Variants in DNAJB6 observed in about 807,000 individuals in gnomAD.
DNAJB6 encodes DnaJ heat shock protein family (Hsp40) member B6, also known as dnaJ homolog subfamily B member 6.
DNAJB6 carries 16 observed loss-of-function variants against 42.7 expected under a neutral mutation model. The ratio of observed to expected loss-of-function variants is 0.37; its 90% CI spans 0.25 to 0.57. The LOEUF is 0.57. DNAJB6 is among the 20% of genes least tolerant of loss of function. The pLI, the probability that DNAJB6 is intolerant of heterozygous loss-of-function variation, is 0.74. For missense variants in DNAJB6, 347 were observed against 416.8 expected (o/e 0.83, Z 1.46); for synonymous variants, 170 against 163.5 (o/e 1.04, Z -0.30).
intron 1 of DNAJB6, among the ~76,000 whole-genome samples, chr7:157,351,740 G>C (rs188464059): frequency 3.3e-5 from 5 of 152,294 alleles, no homozygotes; most frequent in Admixed American, 6.5e-5. Flanking sequence ...AAGGTGGACA[G>C]ATCACCTGAG....
chr7:157,344,487 T>C (rs1458143683), intron 1 of DNAJB6, among the ~76,000 whole-genome samples: 1 of 151,536 alleles, frequency 6.6e-6, no homozygotes, highest in African/African-American at 2.4e-5. Context: ...CACTCCAGCC[T>C]GGGCAACAGA....
intron 1 of DNAJB6, among the ~76,000 whole-genome samples, chr7:157,357,878 C>T (rs1284603496): frequency 6.6e-6 from 1 of 152,132 alleles, no homozygotes; most frequent in African/African-American, 2.4e-5. Flanking sequence ...ACCTTCCATT[C>T]GGTAGTGATA....
intron 8 of DNAJB6, among the ~76,000 whole-genome samples, chr7:157,388,634 C>G (rs1458814698): frequency 1.4e-5 from 2 of 142,020 alleles, no homozygotes; most frequent in African/African-American, 5.2e-5. Context: ...ACTTCAATAG[C>G]TTTTGGGGGG....
At chr7:157,401,147 C>T (rs1801840872) in intron 8 of DNAJB6, among the ~76,000 whole-genome samples, 1 of 152,226 alleles carries the variant, frequency 6.6e-6, no homozygotes, top group African/African-American at 2.4e-5. Context: ...ACCTGGGCTC[C>T]TCCTCCTGTA....
rs1228242885 is a variant in DNAJB6 at position 157,404,555 on chromosome 7, G to A, written c.692-5240G>A. On this transcript the variant is annotated intron_variant, in intron 8 of 9. Coordinates refer to ENST00000262177, the MANE Select transcript of DNAJB6 (RefSeq NM_058246.4). ...GTAAGGAGTCTCGCTCTGTTGCCCA[G>A]CCTGGAGTGCAGTGGTGCAATCTTG... 2.9e-5 allele frequency among the ~76,000 whole-genome samples: 4 copies of A among 138,516 alleles called. No individual in the cohort carries two copies. The East Asian group carries it at 8.5e-4, about 29-fold the overall frequency. 90.9% of individuals were successfully genotyped at this position (138,516 alleles called of 152,430 possible). A position where few individuals can be genotyped will look rare whatever the true frequency, so the allele number is the denominator to read the frequency against.
intron 3 of DNAJB6, among the ~76,000 whole-genome samples, chr7:157,363,548 G>T (rs6970306): frequency 3.3e-5 from 5 of 152,096 alleles, no homozygotes; most frequent in African/African-American, 1.2e-4. Flanking sequence ...GAGGAACCTG[G>T]GAGAGAGGAG....
Position 157,416,120 on chromosome 7 carries a change from G to A in DNAJB6, c.*22G>A, listed in dbSNP as rs372172001. 6.2e-7 allele frequency: 1 copy of A among 1,609,348 alleles called. No individual in the cohort carries two copies. Among genetic ancestry groups the A allele is most frequent in the Non-Finnish European group, 8.5e-7 (1 of 1,177,342 alleles). On this transcript the variant is annotated 3_prime_UTR_variant, in exon 10 of 10. Coordinates refer to ENST00000262177, the MANE Select transcript of DNAJB6 (RefSeq NM_058246.4). The stretch of plus-strand genomic sequence containing the variant: ...CTAGACCGGACTTGAGGCACGCGGT[G>A]CACCCCCAGACGCTGGCGCTCCACC...
chr7:157,385,336 T>G (rs1800999181), intron 7 of DNAJB6, among the ~76,000 whole-genome samples: 1 of 152,214 alleles, frequency 6.6e-6, no homozygotes, highest in Admixed American at 6.5e-5. Context: ...TGTACGGTAT[T>G]TGAGACACAA....
chr7:157,359,883 C>CT (rs1799491615), intron 2 of DNAJB6, among the ~76,000 whole-genome samples: 1 of 152,310 alleles, frequency 6.6e-6, no homozygotes, highest in Admixed American at 6.5e-5. Flanking sequence ...GCCGAGGAAC[C>CT]TAGTAGAAGC....
At chr7:157,371,199 C>T (rs1800192680) in intron 5 of DNAJB6, among the ~76,000 whole-genome samples, 1 of 152,228 alleles carries the variant, frequency 6.6e-6, no homozygotes, top group Non-Finnish European at 1.5e-5. Context: ...AATTGTCTTC[C>T]ATGAAACCAG....
At chr7:157,402,157 C>T (rs1210547914) in intron 8 of DNAJB6, among the ~76,000 whole-genome samples, 1 of 152,200 alleles carries the variant, frequency 6.6e-6, no homozygotes, top group Non-Finnish European at 1.5e-5. Context: ...GATGGGGTCT[C>T]CCTATGTTGC....
chr7:157,339,491 G>A (rs998353771), intron 1 of DNAJB6, among the ~76,000 whole-genome samples: 1 of 151,214 alleles, frequency 6.6e-6, no homozygotes, highest in African/African-American at 2.4e-5. Context: ...TAGTAGAGAC[G>A]GGGTTTCACC....
At chr7:157,405,680 C>T (rs1482116746) in intron 8 of DNAJB6, among the ~76,000 whole-genome samples, 1 of 152,218 alleles carries the variant, frequency 6.6e-6, no homozygotes, top group Non-Finnish European at 1.5e-5. Flanking sequence ...CCGCACCAGG[C>T]CACATCCTGC....
intron 8 of DNAJB6, among the ~76,000 whole-genome samples, chr7:157,386,808 C>T (rs563965590): frequency 2.6e-5 from 4 of 151,286 alleles, no homozygotes; most frequent in South Asian, 2.1e-4. Context: ...TGCTTGAACC[C>T]GGGAGGTGGA....
chr7:157,352,370 C>T (rs1165181027), intron 1 of DNAJB6, among the ~76,000 whole-genome samples: 1 of 151,804 alleles, frequency 6.6e-6, no homozygotes, highest in East Asian at 1.9e-4. Flanking sequence ...CTTTTTTACT[C>T]CAAGTAAGCT....
chr7:157,343,162 AT>A (rs35208783), intron 1 of DNAJB6, among the ~76,000 whole-genome samples: 101,312 of 145,452 alleles, frequency 0.7, 35,470 homozygotes, highest in African/African-American at 0.84. Context: ...CACCCAGGTA[AT>A]TTTTTTTTTT....
chr7:157,362,919 C>T (rs1172727501), intron 2 of DNAJB6, among the ~76,000 whole-genome samples: 1 of 152,192 alleles, frequency 6.6e-6, no homozygotes, highest in Non-Finnish European at 1.5e-5. Flanking sequence ...AAGCAGTTGT[C>T]ACGCCTCAGC....
intron 1 of DNAJB6, among the ~76,000 whole-genome samples, chr7:157,354,450 C>A (rs1041237030): frequency 2.7e-5 from 4 of 150,844 alleles, no homozygotes; most frequent in Non-Finnish European, 5.9e-5. Context: ...CCCAGCTATT[C>A]ATTTTTAGTT....
intron 1 of DNAJB6, among the ~76,000 whole-genome samples, chr7:157,356,962 A>G (rs1799309263): frequency 6.6e-6 from 1 of 151,470 alleles, no homozygotes; most frequent in Admixed American, 6.6e-5. Context: ...CCTGATTTCC[A>G]TTATAGTTTT....
Sources: gnomAD v4.1 joint callset for allele counts (sites outside exome capture counted in the v4.1 genomes callset) on GRCh38, gnomAD v4.1.1 for gene constraint, MANE v1.5 for transcripts, NCBI Gene and HGNC (gene_info 2026-07-23, HGNC 2026-07-21) for gene names.